The following FGGY variants were observed in gnomAD, a reference collection of about 807,000 sequenced individuals.
FGGY encodes the protein FGGY carbohydrate kinase domain containing.
In FGGY, 72 loss-of-function variants were observed where a neutral mutation model predicts 71.3. The observed-to-expected ratio is 1.01, with a 90% CI of 0.84 to 1.23. FGGY has a LOEUF of 1.23. Ranked by LOEUF, FGGY falls within the 50% of genes most tolerant of loss-of-function variation. The pLI is 0.00. For synonymous variants in FGGY, 251 were observed against 250.3 expected (o/e 1.00, Z -0.02); for missense variants, 668 against 682.3 (o/e 0.98, Z 0.23).
intron 6 of FGGY, among the ~76,000 whole-genome samples, chr1:59,498,265 A>T (rs2094111200): frequency 6.6e-6 from 1 of 152,206 alleles, no homozygotes; most frequent in Non-Finnish European, 1.5e-5. Context: ...GCCCAAAGTC[A>T]TTCAACTCAG....
In FGGY at chr1:59,488,309, G is replaced by T. The variant is rs184903247; in HGVS notation, c.671-24002G>T. Among the ~76,000 whole-genome samples, 208 of 151,952 alleles carry T rather than the reference G, an allele frequency of 1.4e-3. 1 individual carries two copies. The highest frequency in any genetic ancestry group is 2.6e-3 in the Non-Finnish European group (174 of 67,948). Reference sequence around the variant, plus strand: ...ATTTTCTGCATCTGACAGACTCGCAGAAATGGAATTACTAAGTAAAAAATA... The same window carrying T: ...ATTTTCTGCATCTGACAGACTCGCATAAATGGAATTACTAAGTAAAAAATA... On this transcript the variant is annotated intron_variant, in intron 6 of 15. Transcript: ENST00000303721.
intron 6 of FGGY, among the ~76,000 whole-genome samples, chr1:59,462,160 T>C (rs1932112082): frequency 6.6e-6 from 1 of 152,108 alleles, no homozygotes; most frequent in African/African-American, 2.4e-5. Context: ...GCCGCATATC[T>C]ACAACTATCT....
At position 59,643,483 on chromosome 1, in the gene FGGY, C is replaced by T. The variant is rs147883580; in HGVS notation, c.1221+5108C>T. On this transcript the variant is annotated intron_variant, in intron 11 of 15. Transcript: ENST00000303721. ...GTGTTGAGATTATAGGCATGAAACA[C>T]TGTTCCCAGCCAGAAATTTTGTTTC... is the stretch of plus-strand genomic sequence containing the variant. 2.6e-5 allele frequency among the ~76,000 whole-genome samples: 4 copies of T among 152,288 alleles called. No individual in the cohort carries two copies. In the East Asian group the frequency reaches 7.7e-4, roughly 29 times the overall value.
chr1:59,580,936 G>A (rs1482784360), intron 8 of FGGY, among the ~76,000 whole-genome samples: 1 of 152,116 alleles, frequency 6.6e-6, no homozygotes, highest in East Asian at 1.9e-4. Flanking sequence ...GGCCTGTTTA[G>A]CAGTTGAAAT....
intron 13 of FGGY, among the ~76,000 whole-genome samples, chr1:59,669,454 A>G (rs908464536): frequency 6.6e-6 from 1 of 151,872 alleles, no homozygotes; most frequent in Non-Finnish European, 1.5e-5. Context: ...GAGAAAAACC[A>G]TAACATTTTA....
At chr1:59,531,077 G>T (rs919792212) in intron 7 of FGGY, among the ~76,000 whole-genome samples, 1 of 152,184 alleles carries the variant, frequency 6.6e-6, no homozygotes, top group Non-Finnish European at 1.5e-5. Context: ...TACATATATA[G>T]CTCTCTGAAG....
intron 14 of FGGY, among the ~76,000 whole-genome samples, chr1:59,716,007 A>G (rs2097843495): frequency 6.6e-6 from 1 of 152,198 alleles, no homozygotes; most frequent in South Asian, 2.1e-4. Context: ...AATACTTACT[A>G]TCTGGCCCTT....
rs2096483280 is a variant in FGGY, at chr1:59,593,552, G to A, written c.904-14251G>A. On this transcript the variant is annotated intron_variant, in intron 8 of 15. Transcript: ENST00000303721. ...TGTGATAATTATAAAATGAGAAAGT[G>A]CAAATAAATCCACTGTCTTTTCATC... 2.6e-5 allele frequency among the ~76,000 whole-genome samples: 4 copies of A among 152,180 alleles called. 1 individual carries two copies. In the South Asian group the frequency reaches 8.3e-4, roughly 31 times the overall value.
At chr1:59,586,687 G>C (rs963026601) in intron 8 of FGGY, among the ~76,000 whole-genome samples, 1 of 152,174 alleles carries the variant, frequency 6.6e-6, no homozygotes, top group Non-Finnish European at 1.5e-5. Context: ...CGTGAAATGA[G>C]CAGGCTTGGG....
At chr1:59,596,720 A>G (rs1347364763) in intron 8 of FGGY, among the ~76,000 whole-genome samples, 1 of 151,472 alleles carries the variant, frequency 6.6e-6, no homozygotes, top group Non-Finnish European at 1.5e-5. Flanking sequence ...CAGGCCTGGG[A>G]AAGATTCACA....
At chr1:59,741,951 A>C (rs2098152964) in intron 14 of FGGY, among the ~76,000 whole-genome samples, 1 of 151,766 alleles carries the variant, frequency 6.6e-6, no homozygotes, top group Admixed American at 6.6e-5. Context: ...AAAAAAAAAA[A>C]AAAAAAGCCA....
chr1:59,563,243 T>C (rs2095822211), intron 8 of FGGY, among the ~76,000 whole-genome samples: 1 of 152,246 alleles, frequency 6.6e-6, no homozygotes, highest in African/African-American at 2.4e-5. Context: ...TTGTCATAAA[T>C]AGCTCTTCTT....
intron 7 of FGGY, among the ~76,000 whole-genome samples, chr1:59,512,698 T>C (rs886216483): frequency 2.6e-5 from 4 of 152,254 alleles, no homozygotes; most frequent in African/African-American, 9.6e-5. Flanking sequence ...ACTTTCTGCA[T>C]AGTTCTTTTG....
chr1:59,536,794 C>G (rs954998887), intron 7 of FGGY, among the ~76,000 whole-genome samples: 3 of 152,160 alleles, frequency 2.0e-5, no homozygotes, highest in African/African-American at 7.2e-5. Flanking sequence ...CAAAATTCAA[C>G]AACCCTTCAT....
chr1:59,464,458 A>G (rs1027064913), intron 6 of FGGY, among the ~76,000 whole-genome samples: 4 of 152,242 alleles, frequency 2.6e-5, no homozygotes, highest in Non-Finnish European at 4.4e-5. Flanking sequence ...TAAAAGAACT[A>G]GAGAAGCAAG....
At chr1:59,687,903 A>C (rs945829889) in intron 14 of FGGY, among the ~76,000 whole-genome samples, 3 of 152,206 alleles carry the variant, frequency 2.0e-5, no homozygotes, top group African/African-American at 7.2e-5. Context: ...CTACTAAAAG[A>C]AAAGGTAGTC....
chr1:59,443,238 A>C (rs1572206895), intron 5 of FGGY, among the ~76,000 whole-genome samples: 1 of 152,180 alleles, frequency 6.6e-6, no homozygotes, highest in East Asian at 1.9e-4. Flanking sequence ...TTCTCAAGTT[A>C]AGATGATTTT....
intron 8 of FGGY, among the ~76,000 whole-genome samples, chr1:59,604,798 G>A (rs927215084): frequency 6.6e-6 from 1 of 152,224 alleles, no homozygotes; most frequent in African/African-American, 2.4e-5. Flanking sequence ...CTGGAGGCAA[G>A]GGGCTGCAAG....
intron 5 of FGGY, among the ~76,000 whole-genome samples, chr1:59,437,051 A>G (rs1282160664): frequency 2.6e-5 from 4 of 152,180 alleles, no homozygotes. Context: ...TCCAGACCCT[A>G]GGATGTCATC....
Sources: gnomAD v4.1 joint callset for allele counts (sites outside exome capture counted in the v4.1 genomes callset) on GRCh38, gnomAD v4.1.1 for gene constraint, MANE v1.5 for transcripts, NCBI Gene and HGNC (gene_info 2026-07-23, HGNC 2026-07-21) for gene names.